The following ARHGAP35 variants were observed in gnomAD, a reference collection of about 807,000 sequenced individuals.
ARHGAP35 encodes Rho GTPase activating protein 35.
ARHGAP35 carries 15 observed loss-of-function variants against 111.1 expected under a neutral mutation model. The ratio of observed to expected loss-of-function variants is 0.13; its 90% CI spans 0.09 to 0.21. The LOEUF (loss-of-function observed/expected upper bound fraction) is 0.21. Among genes scored for constraint, ARHGAP35 ranks in the 10% least tolerant of loss-of-function variants. ARHGAP35 has a pLI of 1.00. For missense variants in ARHGAP35, 1,262 were observed against 1,873.0 expected, an observed-to-expected ratio of 0.67 and a Z score of 6.02; for synonymous variants, 643 against 710.3, an observed-to-expected ratio of 0.91 and a Z score of 1.51.
At chr19:46,934,436 C>T (rs1372783841) in intron 2 of ARHGAP35, among the ~76,000 whole-genome samples, 1 of 152,270 alleles carries the variant, frequency 6.6e-6, no homozygotes, top group East Asian at 1.9e-4. Context: ...GGCACAATCT[C>T]GGCTCACTGC....
chr19:46,916,592 G>C (rs2056165308), intron 1 of ARHGAP35, among the ~76,000 whole-genome samples: 1 of 152,116 alleles, frequency 6.6e-6, no homozygotes, highest in Non-Finnish European at 1.5e-5. Flanking sequence ...CAGGGGACAG[G>C]CCTCACAGAG....
intron 1 of ARHGAP35, among the ~76,000 whole-genome samples, chr19:46,905,562 C>CG (rs75027470): frequency 0.035 from 5,121 of 147,574 alleles, 174 homozygotes; most frequent in East Asian, 0.16. Flanking sequence ...TCCACCCCCC[C>CG]CCCCCAAGAC....
At chr19:46,970,940 A>T (rs1279754635) in intron 3 of ARHGAP35, among the ~76,000 whole-genome samples, 2 of 152,174 alleles carry the variant, frequency 1.3e-5, no homozygotes, top group Non-Finnish European at 2.9e-5. Flanking sequence ...ACTGACCTCT[A>T]GCTTGACTGT....
intron 1 of ARHGAP35, among the ~76,000 whole-genome samples, chr19:46,891,491 A>G (rs1217582047): frequency 6.6e-6 from 1 of 151,258 alleles, no homozygotes; most frequent in Non-Finnish European, 1.5e-5. Flanking sequence ...CAGTGGTGCA[A>G]TCTCGGCTCA....
At position 46,994,368 on chromosome 19, in the gene ARHGAP35, C is replaced by T. The variant is rs1408440294; in HGVS notation, c.4036+4693C>T. ...TGCCGCTGCCCTGTGACCAGGTCCA[C>T]ACAGACTGTGGCCCCAGCCTTCGGC... On this transcript the variant is annotated intron_variant, in intron 5 of 6. Coordinates refer to ENST00000672722, the MANE Select transcript of ARHGAP35 (RefSeq NM_004491.5). The surrounding 1 kb of genome is among the most constrained non-coding windows in gnomAD (Gnocchi z 5.4). Among the ~76,000 whole-genome samples the T allele has an allele frequency of 1.3e-5, 2 of 152,216 alleles. No individual in the cohort carries two copies. Among genetic ancestry groups the T allele is most frequent in the Admixed American group, 1.3e-4 (2 of 15,290 alleles).
At position 46,922,326 on chromosome 19, in the gene ARHGAP35, T is replaced by A; in HGVS notation, c.3651T>A (p.Asn1217Lys). The A allele has an allele frequency of 6.2e-7, 1 of 1,609,632 alleles. No homozygotes were observed. The highest frequency in any genetic ancestry group is 8.5e-7 in the Non-Finnish European group (1 of 1,177,782). Residue 1217 changes from asparagine (N) to lysine (K), a missense_variant, in exon 2 of 7, where the codon AAT becomes AAA. Coordinates refer to ENST00000672722, the MANE Select transcript of ARHGAP35 (RefSeq NM_004491.5). The surrounding 1 kb of genome is among the most constrained non-coding windows in gnomAD (Gnocchi z 4.0). ...YETDEDPRRR[N>K]ILRSLRRNTK... ...CAGACGAAGACCCGCGGAGGAGGAA[T>A]ATTCTTCGCAGCCTAAGGAGGAACA... is the stretch of plus-strand genomic sequence containing the variant.
intron 1 of ARHGAP35, among the ~76,000 whole-genome samples, 177 bp downstream of exon 1, chr19:46,861,386 G>T (rs1270076646): frequency 7.3e-6 from 1 of 136,352 alleles, no homozygotes; most frequent in East Asian, 2.2e-4. Flanking sequence ...CCGTCGCTTC[G>T]CGCGTCGGCC....
chr19:46,868,257 A>C (rs1013788485), intron 1 of ARHGAP35, among the ~76,000 whole-genome samples: 2 of 152,236 alleles, frequency 1.3e-5, no homozygotes, highest in African/African-American at 4.8e-5. Context: ...GTCAGTGTGA[A>C]GAATCCAGAT....
Position 46,901,570 on chromosome 19 carries a change from A to AG in ARHGAP35, c.-188-16918_-188-16917insG, listed in dbSNP as rs753962153. ...TTAGACTCTGTCTCACACAAAAAAA[A>AG]TGATCAAATCTGTTCTTTAAAAGAT... On this transcript the variant is annotated intron_variant, in intron 1 of 6. Coordinates refer to ENST00000672722, the MANE Select transcript of ARHGAP35 (RefSeq NM_004491.5). The surrounding 1 kb of genome is among the most constrained non-coding windows in gnomAD (Gnocchi z 4.5). Among the ~76,000 whole-genome samples, 6 of 152,210 alleles carry AG rather than the reference A, an allele frequency of 3.9e-5. No individual in the cohort carries two copies. Among genetic ancestry groups the AG allele is most frequent in the Admixed American group, 6.5e-5 (1 of 15,282 alleles).
At chr19:46,954,498 C>T (rs1443789567) in intron 3 of ARHGAP35, among the ~76,000 whole-genome samples, 2 of 152,206 alleles carry the variant, frequency 1.3e-5, no homozygotes, top group Non-Finnish European at 2.9e-5. Flanking sequence ...ACTTGAGAGC[C>T]GTGGTCTGAA....
At chr19:46,885,936 A>G (rs909771049) in intron 1 of ARHGAP35, among the ~76,000 whole-genome samples, 2 of 152,164 alleles carry the variant, frequency 1.3e-5, no homozygotes, top group African/African-American at 4.8e-5. Context: ...CCAGCTATAA[A>G]TAGATTTTTA....
chr19:46,914,837 T>A (rs1471698157), intron 1 of ARHGAP35, among the ~76,000 whole-genome samples: 1 of 152,198 alleles, frequency 6.6e-6, no homozygotes, highest in African/African-American at 2.4e-5. Context: ...TGTGAAGGGA[T>A]AAATATTAGA....
chr19:46,920,861 A>G lies in ARHGAP35; in HGVS notation c.2186A>G (p.Gln729Arg). The G allele has an allele frequency of 6.2e-7, 1 of 1,613,878 alleles. No homozygotes were observed. ...GGTCAACAAATTGCTAGCAAACTTC[A>G]GTGTGTCTTTCTCGACCCTGCTTCT... ...QQGQQIASKL[Q>R]CVFLDPASAG... Residue 729 changes from glutamine to arginine, a missense_variant, in exon 2 of 7, where the codon CAG becomes CGG. By Grantham distance (43) the Gln-to-Arg change is conservative (BLOSUM62 1). Transcript: ENST00000672722. This position sits in a 1 kb window ranked among gnomAD's most constrained non-coding sequence, Gnocchi z 7.0.
intron 1 of ARHGAP35, among the ~76,000 whole-genome samples, chr19:46,868,893 ATTTTTTTTTTTTTT>A (rs59080309): frequency 5.1e-5 from 3 of 58,702 alleles, no homozygotes; most frequent in South Asian, 7.3e-4. Flanking sequence ...GCTCACCGTG[ATTTTTTTTTTTTTT>A]TTTTTTTTTT....
chr19:46,968,581 CCCA>C (rs1360081287), intron 3 of ARHGAP35, among the ~76,000 whole-genome samples: 17 of 152,276 alleles, frequency 1.1e-4, no homozygotes, highest in African/African-American at 4.1e-4. Flanking sequence ...ACCCAAATAT[CCCA>C]CTGATGAGTG....
At chr19:46,871,839 G>T (rs1388681120) in intron 1 of ARHGAP35, among the ~76,000 whole-genome samples, 1 of 151,828 alleles carries the variant, frequency 6.6e-6, no homozygotes, top group African/African-American at 2.4e-5. Context: ...AATTAGCCAG[G>T]CATGGTGGCG....
chr19:46,896,526 A>G (rs10406467), intron 1 of ARHGAP35, among the ~76,000 whole-genome samples: 3,059 of 152,362 alleles, frequency 0.02, 110 homozygotes, highest in African/African-American at 0.069. Flanking sequence ...GAGCTTTGGT[A>G]AAAGAGCAAG....
chr19:46,957,535 C>G (rs1486503569), intron 3 of ARHGAP35, among the ~76,000 whole-genome samples: 3 of 152,000 alleles, frequency 2.0e-5, no homozygotes, highest in East Asian at 3.9e-4. Context: ...ATCACTTGAG[C>G]CTGGGAGCTC....
chr19:47,002,596 C>G lies in ARHGAP35; in HGVS notation c.*1908C>G, dbSNP rs1381521703. ...TTAGCTGAGGTTGGCAGAAACGTTC[C>G]CAAACTCCCCCAGCCCTGGACCCCA... On this transcript the variant is annotated 3_prime_UTR_variant, in exon 7 of 7. Coordinates refer to ENST00000672722, the MANE Select transcript of ARHGAP35 (RefSeq NM_004491.5). 2.6e-5 allele frequency: 4 copies of G among 152,174 alleles called. No homozygotes were observed. Among genetic ancestry groups the G allele is most frequent in the Non-Finnish European group, 5.9e-5 (4 of 68,072 alleles). 9.4% of individuals were successfully genotyped at this position (152,174 alleles called of 1,614,324 possible). A position where few individuals can be genotyped will look rare whatever the true frequency, so the allele number is the denominator to read the frequency against.
Sources: gnomAD v4.1 joint callset for allele counts (sites outside exome capture counted in the v4.1 genomes callset) on GRCh38, gnomAD v4.1.1 for gene constraint, Gnocchi (gnomAD v3.1) non-coding constraint, MANE v1.5 for transcripts, NCBI Gene and HGNC (gene_info 2026-07-23, HGNC 2026-07-21) for gene names.